TCP11L1: variants seen among roughly 807,000 people sequenced by gnomAD.
TCP11L1 encodes the protein T-complex protein 11-like protein 1.
In TCP11L1, 28 loss-of-function variants were observed where a neutral mutation model predicts 48.9. The ratio of observed to expected loss-of-function variants is 0.57; its 90% CI spans 0.42 to 0.78. The LOEUF (loss-of-function observed/expected upper bound fraction) is 0.78, where lower values mean the gene tolerates loss of function less well. Among genes scored for constraint, TCP11L1 ranks in the 30% least tolerant of loss-of-function variants. The probability of loss-of-function intolerance (pLI) is 0.00; values close to 1 mark genes in which losing one functional copy is unlikely to be tolerated. For synonymous variants in TCP11L1, 204 were observed against 231.9 expected (o/e 0.88, Z 1.09); for missense variants, 505 against 613.4 (o/e 0.82, Z 1.87).
intron 7 of TCP11L1, among the ~76,000 whole-genome samples, chr11:33,064,359 G>C (rs1854551538): frequency 6.6e-6 from 1 of 152,086 alleles, no homozygotes; most frequent in Non-Finnish European, 1.5e-5. Context: ...CAATCCTCAG[G>C]GTTTTTACTT....
chr11:33,066,112 A>G (rs1176853017), intron 8 of TCP11L1, 101 bp downstream of exon 8: 2 of 1,445,586 alleles, frequency 1.4e-6, no homozygotes, highest in African/African-American at 1.4e-5. Flanking sequence ...GCCCAGGGCC[A>G]CTCTCTAGGA....
chr11:33,055,855 T>G (rs1854293278), intron 3 of TCP11L1, among the ~76,000 whole-genome samples: 1 of 152,222 alleles, frequency 6.6e-6, no homozygotes, highest in Non-Finnish European at 1.5e-5. Context: ...TGTCGCTCTG[T>G]CGCCCAAGCT....
intron 6 of TCP11L1, 106 bp downstream of exon 6, chr11:33,059,201 TAGG>T (rs955117232): frequency 3.9e-5 from 55 of 1,412,186 alleles, no homozygotes; most frequent in Admixed American, 3.0e-4. Flanking sequence ...TAAAATTTAG[TAGG>T]AGAATAGTCT....
intron 2 of TCP11L1, 109 bp from the exon 3 acceptor site, chr11:33,054,484 T>C: frequency 1.5e-6 from 2 of 1,329,162 alleles, no homozygotes; most frequent in South Asian, 2.7e-5. Context: ...AACATTTTAA[T>C]AGACGCAATA....
intron 9 of TCP11L1, among the ~76,000 whole-genome samples, chr11:33,069,266 T>TA (rs1291228003): frequency 6.6e-6 from 1 of 152,172 alleles, no homozygotes; most frequent in Non-Finnish European, 1.5e-5. Context: ...TAGGAGCTGT[T>TA]ACGAAAAGAG....
chr11:33,058,547 T>TTA (rs555403900), intron 5 of TCP11L1, among the ~76,000 whole-genome samples: 6 of 143,690 alleles, frequency 4.2e-5, no homozygotes, highest in Admixed American at 1.4e-4. Flanking sequence ...CTCATGGATT[T>TTA]AAAAAAAAAA....
intron 7 of TCP11L1, among the ~76,000 whole-genome samples, chr11:33,062,862 T>C (rs1375032025): frequency 2.6e-5 from 4 of 152,212 alleles, no homozygotes; most frequent in African/African-American, 9.6e-5. Context: ...CCTTTCTGGG[T>C]TTTTTAAAAT....
chr11:33,050,205 A>AG (rs966021951), intron 2 of TCP11L1, among the ~76,000 whole-genome samples: 1 of 152,246 alleles, frequency 6.6e-6, no homozygotes, highest in Non-Finnish European at 1.5e-5. Flanking sequence ...AATTTTTCTT[A>AG]GTACAGAACA....
chr11:33,048,261 C>T (rs1590222415), intron 2 of TCP11L1, among the ~76,000 whole-genome samples: 1 of 152,026 alleles, frequency 6.6e-6, no homozygotes, highest in African/African-American at 2.4e-5. Context: ...GATTCACCCA[C>T]CTCAACCTCC....
chr11:33,069,129 G>A (rs956448431), intron 9 of TCP11L1, among the ~76,000 whole-genome samples: 1 of 152,072 alleles, frequency 6.6e-6, no homozygotes, highest in Non-Finnish European at 1.5e-5. Flanking sequence ...CTTGACACTC[G>A]AGTTTCCTCA....
At chr11:33,059,251 C>T (rs1854405458) in intron 6 of TCP11L1, among the ~76,000 whole-genome samples, 156 bp downstream of exon 6, 1 of 152,114 alleles carries the variant, frequency 6.6e-6, no homozygotes. Flanking sequence ...GTTGGGACTA[C>T]ATCTAGAGTT....
At chr11:33,057,687 A>G (rs1472910768) in intron 4 of TCP11L1, among the ~76,000 whole-genome samples, 3 of 152,184 alleles carry the variant, frequency 2.0e-5, no homozygotes, top group African/African-American at 7.2e-5. Context: ...TTCACCATTA[A>G]CAGTTTTTTC....
At chr11:33,041,589 AAAAATACG>A (rs1239768830) in intron 1 of TCP11L1, among the ~76,000 whole-genome samples, 14 of 152,158 alleles carry the variant, frequency 9.2e-5, no homozygotes, top group Admixed American at 3.3e-4. Context: ...CATCTCTACT[AAAAATACG>A]AAAATTAGCG....
intron 9 of TCP11L1, 63 bp downstream of exon 9, chr11:33,068,922 C>T (rs1854698549): frequency 1.3e-6 from 2 of 1,557,028 alleles, no homozygotes; most frequent in Non-Finnish European, 1.7e-6. Context: ...ACGAGTCCAT[C>T]TGAAGAAACC....
intron 2 of TCP11L1, among the ~76,000 whole-genome samples, chr11:33,047,656 A>G (rs1201170391): frequency 6.6e-6 from 1 of 152,226 alleles, no homozygotes; most frequent in East Asian, 1.9e-4. Context: ...ACTTTGAATT[A>G]TGGTGTCTCT....
At position 33,068,799 on chromosome 11, in the gene TCP11L1, GT is replaced by G; in HGVS notation, c.1268del (p.Val423GlyfsTer25). On this transcript the variant is annotated frameshift_variant, in exon 9 of 10. Transcript: ENST00000334274. LOFTEE classifies it high-confidence loss of function. ...TCCCTTCACCACGGACAAGGAGACC[GT>G]GCTCAAGGGCCAGATCCAGGCCGTG... The part of the protein sequence containing the change: ...SSPFTTDKET[V>X]LKGQIQAVAS... 6.2e-7 allele frequency: 1 copy of G among 1,614,114 alleles called. No homozygotes were observed.
Position 33,073,151 on chromosome 11 carries a change from T to A in TCP11L1, c.*475T>A, listed in dbSNP as rs2133756811. 6.4e-6 allele frequency: 1 copy of A among 157,444 alleles called. No individual in the cohort carries two copies. Among genetic ancestry groups the A allele is most frequent in the South Asian group, 1.9e-4 (1 of 5,370 alleles). 9.8% of individuals were successfully genotyped at this position (157,444 alleles called of 1,614,324 possible). ...TTTTTGTTAGAAGGGCTATATAACG[T>A]CTTATTGCCATTTTCTCCCCCTATT... On this transcript the variant is annotated 3_prime_UTR_variant, in exon 10 of 10. Coordinates refer to ENST00000334274, the MANE Select transcript of TCP11L1 (RefSeq NM_018393.4).
rs769953598 is a variant in TCP11L1 at position 33,061,649 on chromosome 11, C to A, written c.895C>A (p.Leu299Met). ...MAAGSGDMPR[L>M]SPVAVQNYAY... ...TGCTGGCTCTGGGGACATGCCCAGGCTGAGCCCTGTTGCTGTCCAGAATTA... is the reference window on the plus strand; with the variant it reads ...TGCTGGCTCTGGGGACATGCCCAGGATGAGCCCTGTTGCTGTCCAGAATTA... The change falls in exon 7 of 10, where the codon CTG becomes ATG. Residue 299 changes from leucine to methionine, a missense_variant. Leu to Met is a conservative substitution (Grantham distance 15). This residue lies in a region of TCP11L1 where 335 missense variants were observed against 413.3 expected (regional missense o/e 0.81). Coordinates refer to ENST00000334274, the MANE Select transcript of TCP11L1 (RefSeq NM_018393.4). 5 of 1,613,178 alleles carry A rather than the reference C, an allele frequency of 3.1e-6. No individual in the cohort carries two copies. In the East Asian group the frequency reaches 1.1e-4, roughly 36 times the overall value.
intron 1 of TCP11L1, among the ~76,000 whole-genome samples, chr11:33,042,126 TTTTGTTTG>T (rs931689659): frequency 7.9e-5 from 12 of 152,060 alleles, no homozygotes; most frequent in African/African-American, 2.9e-4. Flanking sequence ...AACAGGGTTT[TTTTGTTTG>T]TTTGTTTGTT....
Sources: gnomAD v4.1 joint callset for allele counts (sites outside exome capture counted in the v4.1 genomes callset) on GRCh38, gnomAD v4.1.1 for gene constraint, gnomAD v4.1.1 regional missense constraint, MANE v1.5 for transcripts, NCBI Gene and HGNC (gene_info 2026-07-23, HGNC 2026-07-21) for gene names.